JAZF1: variants seen among roughly 807,000 people sequenced by gnomAD.
The protein encoded by JAZF1 is JAZF zinc finger 1.
JAZF1 carries 8 observed loss-of-function variants against 26.4 expected under a neutral mutation model. The ratio of observed to expected loss-of-function variants is 0.30; its 90% CI spans 0.18 to 0.55. JAZF1 has a LOEUF of 0.55. Ranked by LOEUF, JAZF1 falls within the 20% of genes least tolerant of loss-of-function variation. The pLI is 0.94. For missense variants in JAZF1, 199 were observed against 322.0 expected (o/e 0.62, Z 2.92); for synonymous variants, 126 against 122.3 (o/e 1.03, Z -0.20).
chr7:28,020,155 C>T (rs1191690717), intron 1 of JAZF1, among the ~76,000 whole-genome samples: 1 of 152,070 alleles, frequency 6.6e-6, no homozygotes, highest in African/African-American at 2.4e-5. Context: ...CCAGAGATAC[C>T]ATTTTTTCCT....
At chr7:27,934,200 G>T (rs1784729362) in intron 2 of JAZF1, among the ~76,000 whole-genome samples, 1 of 152,158 alleles carries the variant, frequency 6.6e-6, no homozygotes, top group South Asian at 2.1e-4. Flanking sequence ...ATACTCATTG[G>T]ATAATGTCTT....
At chr7:27,971,455 T>C (rs1043347413) in intron 2 of JAZF1, among the ~76,000 whole-genome samples, 11 of 152,204 alleles carry the variant, frequency 7.2e-5, no homozygotes, top group African/African-American at 2.4e-4. Flanking sequence ...AGAGCTATTT[T>C]AAAGCTTGCC....
chr7:27,872,818 G>A (rs1352135091), intron 3 of JAZF1, among the ~76,000 whole-genome samples: 4 of 151,370 alleles, frequency 2.6e-5, no homozygotes, highest in South Asian at 4.2e-4. Flanking sequence ...ACTTGGGTTC[G>A]ATTTTTTTTT....
chr7:27,969,550 A>G (rs745952171), intron 2 of JAZF1, among the ~76,000 whole-genome samples: 5 of 152,104 alleles, frequency 3.3e-5, no homozygotes, highest in Non-Finnish European at 7.4e-5. Flanking sequence ...CAGGGAAAAA[A>G]GCTCCTGGGA....
intron 1 of JAZF1, among the ~76,000 whole-genome samples, chr7:28,070,569 C>T (rs1050870081): frequency 4.6e-5 from 7 of 152,214 alleles, no homozygotes; most frequent in Non-Finnish European, 1.0e-4. Flanking sequence ...GCCCCATGTC[C>T]GGCTCCGGGC....
At chr7:28,107,192 A>G (rs999801343) in intron 1 of JAZF1, among the ~76,000 whole-genome samples, 1 of 152,210 alleles carries the variant, frequency 6.6e-6, no homozygotes, top group Non-Finnish European at 1.5e-5. Flanking sequence ...ACATCCCACT[A>G]GAGTACGTTT....
At chr7:27,986,261 G>A (rs567077857) in intron 2 of JAZF1, among the ~76,000 whole-genome samples, 27 of 152,234 alleles carry the variant, frequency 1.8e-4, no homozygotes, top group Admixed American at 3.3e-4. Context: ...CAACTTCAGC[G>A]AAGTCTCAGG....
At chr7:28,166,382 G>A (rs2127953166) in intron 1 of JAZF1, among the ~76,000 whole-genome samples, 1 of 152,316 alleles carries the variant, frequency 6.6e-6, no homozygotes, top group East Asian at 1.9e-4. Context: ...GTTTAAGTCT[G>A]TAACATTTCA....
chr7:27,972,368 T>C (rs1216129019), intron 2 of JAZF1, among the ~76,000 whole-genome samples: 1 of 152,162 alleles, frequency 6.6e-6, no homozygotes, highest in Non-Finnish European at 1.5e-5. Context: ...ACAAGAGACT[T>C]GGAGCAGGCC....
intron 1 of JAZF1, among the ~76,000 whole-genome samples, chr7:28,090,566 ACT>A (rs1238894159): frequency 6.6e-6 from 1 of 152,106 alleles, no homozygotes; most frequent in Non-Finnish European, 1.5e-5. Context: ...GTAAAAACTC[ACT>A]CTGTTTAAAA....
chr7:27,912,209 C>T (rs973654416), intron 2 of JAZF1, among the ~76,000 whole-genome samples: 9 of 152,182 alleles, frequency 5.9e-5, no homozygotes, highest in South Asian at 2.1e-4. Context: ...ACATTGGTAC[C>T]CGCTGTGAAG....
intron 1 of JAZF1, among the ~76,000 whole-genome samples, chr7:28,132,448 G>T (rs578134363): frequency 6.6e-6 from 1 of 152,154 alleles, no homozygotes; most frequent in Non-Finnish European, 1.5e-5. Flanking sequence ...AGGGCTGCCT[G>T]CAAAGATTTC....
At chr7:28,147,564 T>A (rs965316137) in intron 1 of JAZF1, among the ~76,000 whole-genome samples, 1 of 151,840 alleles carries the variant, frequency 6.6e-6, no homozygotes, top group African/African-American at 2.4e-5. Flanking sequence ...GAAATCACTC[T>A]TGGCTGGGTA....
intron 1 of JAZF1, among the ~76,000 whole-genome samples, chr7:28,034,056 C>T (rs1019833921): frequency 3.9e-5 from 6 of 151,988 alleles, no homozygotes; most frequent in Admixed American, 3.9e-4. Flanking sequence ...ACTCTTAATT[C>T]TTTCTCAAAT....
chr7:28,067,413 T>C (rs1163784552), intron 1 of JAZF1, among the ~76,000 whole-genome samples: 1 of 152,210 alleles, frequency 6.6e-6, no homozygotes, highest in Non-Finnish European at 1.5e-5. Context: ...TTGCTGCTCC[T>C]GCCCTCTCCT....
chr7:28,059,460 A>G (rs1226178520), intron 1 of JAZF1, among the ~76,000 whole-genome samples: 2 of 152,184 alleles, frequency 1.3e-5, no homozygotes, highest in Non-Finnish European at 2.9e-5. Context: ...TTCCTAAGTA[A>G]TATGTTATAT....
Position 27,887,206 on chromosome 7 carries a change from C to T in JAZF1, c.385+8014G>A, listed in dbSNP as rs537587801. ...GTTAATACCTGGGCGATGAAATAAT[C>T]TGGACAATAAACCCCCATGACACAA... On this transcript the variant is annotated intron_variant, in intron 3 of 4. Transcript: ENST00000283928. Among the ~76,000 whole-genome samples, 207 of 152,148 alleles carry T rather than the reference C, an allele frequency of 1.4e-3. 2 individuals carry two copies. The highest frequency in any genetic ancestry group is 0.011 in the South Asian group (53 of 4,818).
intron 1 of JAZF1, among the ~76,000 whole-genome samples, chr7:28,035,733 A>G (rs1347272754): frequency 6.6e-6 from 1 of 152,180 alleles, no homozygotes; most frequent in East Asian, 1.9e-4. Flanking sequence ...GACAAGATGT[A>G]AACCAGAAAA....
chr7:27,948,790 T>C (rs1784959993), intron 2 of JAZF1, among the ~76,000 whole-genome samples: 1 of 152,226 alleles, frequency 6.6e-6, no homozygotes, highest in Non-Finnish European at 1.5e-5. Flanking sequence ...GGCTCCTGGA[T>C]GTAAAATACC....
Sources: gnomAD v4.1 joint callset for allele counts (sites outside exome capture counted in the v4.1 genomes callset) on GRCh38, gnomAD v4.1.1 for gene constraint, MANE v1.5 for transcripts, NCBI Gene and HGNC (gene_info 2026-07-23, HGNC 2026-07-21) for gene names.